Variants in DPP10 observed in about 807,000 individuals in gnomAD.
DPP10 encodes the protein dipeptidyl peptidase like 10.
A neutral mutation model predicts 120.9 loss-of-function variants in DPP10; 33 were observed. The observed-to-expected ratio is 0.27, with a 90% CI of 0.21 to 0.37. The LOEUF is 0.37. Ranked by LOEUF, DPP10 falls within the 10% of genes least tolerant of loss-of-function variation. DPP10 has a pLI of 1.00. For missense variants in DPP10, 816 were observed against 942.8 expected (o/e 0.87, Z 1.76); for synonymous variants, 337 against 326.1 (o/e 1.03, Z -0.36).
At chr2:114,881,594 G>GTCTATCTATCTA (rs1275608532) in intron 1 of DPP10, among the ~76,000 whole-genome samples, 113 of 96,328 alleles carry the variant, frequency 1.2e-3, no homozygotes, top group South Asian at 1.1e-3. Flanking sequence ...CTGTCTGTCT[G>GTCTATCTATCTA]TCTGTCTATC....
intron 13 of DPP10, among the ~76,000 whole-genome samples, chr2:115,768,635 A>G (rs1323201919): frequency 2.6e-5 from 4 of 152,150 alleles, no homozygotes; most frequent in Non-Finnish European, 4.4e-5. Flanking sequence ...TGTGTGTCCT[A>G]TGAACTGAGG....
chr2:114,890,798 C>A (rs971876289), intron 1 of DPP10, among the ~76,000 whole-genome samples: 2 of 152,140 alleles, frequency 1.3e-5, no homozygotes, highest in African/African-American at 4.8e-5. Context: ...GTTTAGAGCA[C>A]GGTAGCAGGG....
In DPP10 at chr2:114,757,146, G is replaced by A. The variant is rs866434724; in HGVS notation, c.60+314308G>A. On this transcript the variant is annotated intron_variant, in intron 1 of 25. Coordinates refer to ENST00000410059, the MANE Select transcript of DPP10 (RefSeq NM_020868.6). ...AGAAGGGAAAAAAGGAAGGGAGAGA[G>A]GGGTGGGGAGGGAGAGAGGTGGGAG... 1.9e-4 allele frequency among the ~76,000 whole-genome samples: 28 copies of A among 150,378 alleles called. 1 individual carries two copies. The Middle Eastern group carries it at 0.024, about 128-fold the overall frequency.
At chr2:115,484,846 C>T (rs1396212842) in intron 3 of DPP10, among the ~76,000 whole-genome samples, 15 of 152,084 alleles carry the variant, frequency 9.9e-5, no homozygotes, top group Non-Finnish European at 1.5e-5. Flanking sequence ...TTTCTCCCAC[C>T]TCCTACCTAA....
At chr2:114,879,051 G>A (rs1691391334) in intron 1 of DPP10, among the ~76,000 whole-genome samples, 1 of 151,722 alleles carries the variant, frequency 6.6e-6, no homozygotes, top group Non-Finnish European at 1.5e-5. Context: ...TGGCAAATAA[G>A]TTTTTCATCT....
intron 5 of DPP10, among the ~76,000 whole-genome samples, chr2:115,562,924 G>A (rs1230545338): frequency 5.3e-5 from 8 of 152,182 alleles, no homozygotes; most frequent in African/African-American, 1.4e-4. Flanking sequence ...TCAGAGATTA[G>A]GTAATAATAT....
At chr2:114,593,111 C>T (rs1398468957) in intron 1 of DPP10, among the ~76,000 whole-genome samples, 1 of 152,194 alleles carries the variant, frequency 6.6e-6, no homozygotes, top group Non-Finnish European at 1.5e-5. Flanking sequence ...TTCACCCCAA[C>T]TTCATTCCCC....
intron 1 of DPP10, among the ~76,000 whole-genome samples, chr2:114,554,516 C>T (rs1010227932): frequency 3.9e-5 from 6 of 152,098 alleles, no homozygotes; most frequent in South Asian, 2.1e-4. Flanking sequence ...TTAAACAGTC[C>T]GCGTGGGAGG....
intron 5 of DPP10, among the ~76,000 whole-genome samples, chr2:115,607,419 C>T (rs2083772163): frequency 6.6e-6 from 1 of 152,120 alleles, no homozygotes; most frequent in Non-Finnish European, 1.5e-5. Context: ...AGAGATGCTA[C>T]TTAACAACTG....
chr2:115,641,905 A>T (rs1473640392), intron 5 of DPP10, among the ~76,000 whole-genome samples: 1 of 152,180 alleles, frequency 6.6e-6, no homozygotes, highest in Non-Finnish European at 1.5e-5. Context: ...TGAAATAATG[A>T]AATGGAACAT....
At chr2:114,827,503 C>A (rs1558782109) in intron 1 of DPP10, among the ~76,000 whole-genome samples, 1 of 152,098 alleles carries the variant, frequency 6.6e-6, no homozygotes, top group South Asian at 2.1e-4. Flanking sequence ...CCACCAACTA[C>A]TTAATAATTG....
intron 1 of DPP10, among the ~76,000 whole-genome samples, chr2:114,468,604 T>C (rs569619208): frequency 3.5e-4 from 53 of 152,220 alleles, no homozygotes; most frequent in African/African-American, 1.2e-3. Flanking sequence ...TTAATGTATC[T>C]GAAATAGTGT....
At chr2:115,655,390 A>T (rs1411791242) in intron 5 of DPP10, among the ~76,000 whole-genome samples, 1 of 151,716 alleles carries the variant, frequency 6.6e-6, no homozygotes, top group Non-Finnish European at 1.5e-5. Context: ...TGTCAAAATA[A>T]AACTTTTTTT....
intron 5 of DPP10, among the ~76,000 whole-genome samples, chr2:115,562,468 A>G (rs2080750620): frequency 6.6e-6 from 1 of 152,156 alleles, no homozygotes; most frequent in Admixed American, 6.5e-5. Context: ...ATGATTCCAA[A>G]AGTTCCACAC....
At chr2:114,859,175 A>G (rs1174981186) in intron 1 of DPP10, among the ~76,000 whole-genome samples, 2 of 152,048 alleles carry the variant, frequency 1.3e-5, no homozygotes, top group African/African-American at 2.4e-5. Context: ...TAAAAAAAAA[A>G]AGAAAAAAAG....
chr2:114,637,897 A>G lies in DPP10; in HGVS notation c.60+195059A>G, dbSNP rs540105638. ...GTTTTGGTTACTGTAGCGCTGTAGTATAGTTTGAAGTTGGGTAGGGTGATG... is the reference window on the plus strand; with the variant it reads ...GTTTTGGTTACTGTAGCGCTGTAGTGTAGTTTGAAGTTGGGTAGGGTGATG... On this transcript the variant is annotated intron_variant, in intron 1 of 25. Transcript: ENST00000410059. Among the ~76,000 whole-genome samples, 12 of 151,932 alleles carry G rather than the reference A, an allele frequency of 7.9e-5. No homozygotes were observed. In the East Asian group the frequency reaches 1.5e-3, roughly 20 times the overall value.
chr2:115,795,440 T>C (rs536194526), intron 19 of DPP10, among the ~76,000 whole-genome samples: 22 of 152,280 alleles, frequency 1.4e-4, no homozygotes, highest in Middle Eastern at 3.4e-3. Flanking sequence ...TGAATTCACC[T>C]TCCTTGAAAT....
At chr2:115,518,754 G>A (rs1312773420) in intron 4 of DPP10, among the ~76,000 whole-genome samples, 7 of 151,990 alleles carry the variant, frequency 4.6e-5, no homozygotes, top group South Asian at 4.1e-4. Flanking sequence ...GGGCAGCTCC[G>A]GTCTACTCAT....
chr2:114,661,405 G>GC (rs1697393573), intron 1 of DPP10, among the ~76,000 whole-genome samples: 3 of 152,166 alleles, frequency 2.0e-5, no homozygotes. Context: ...ACAGATTGGG[G>GC]CACATGTGTT....
Sources: gnomAD v4.1 joint callset for allele counts (sites outside exome capture counted in the v4.1 genomes callset) on GRCh38, gnomAD v4.1.1 for gene constraint, MANE v1.5 for transcripts, NCBI Gene and HGNC (gene_info 2026-07-23, HGNC 2026-07-21) for gene names.